DLGAP1: variants seen among roughly 807,000 people sequenced by gnomAD.
The protein encoded by DLGAP1 is DLG associated protein 1, also known as disks large-associated protein 1.
In DLGAP1, 11 loss-of-function variants were observed where a neutral mutation model predicts 90.8. The ratio of observed to expected loss-of-function variants is 0.12; its 90% CI spans 0.08 to 0.20. The LOEUF (loss-of-function observed/expected upper bound fraction) is 0.20, where lower values mean the gene tolerates loss of function less well. DLGAP1 is among the 10% of genes least tolerant of loss of function. The pLI is 1.00. For synonymous variants in DLGAP1, 558 were observed against 540.7 expected (o/e 1.03, Z -0.44); for missense variants, 1,050 against 1,333.8 (o/e 0.79, Z 3.31).
At chr18:4,027,503 C>CAAAAAAAAAAA (rs59592467) in intron 2 of DLGAP1, among the ~76,000 whole-genome samples, 14 of 55,614 alleles carry the variant, frequency 2.5e-4, no homozygotes, top group Non-Finnish European at 4.0e-4. Flanking sequence ...GACTCCGTCT[C>CAAAAAAAAAAA]AAAAAAAAAA....
intron 1 of DLGAP1, among the ~76,000 whole-genome samples, chr18:4,394,468 T>A (rs1216727632): frequency 6.6e-6 from 1 of 152,126 alleles, no homozygotes; most frequent in African/African-American, 2.4e-5. Context: ...ATTTAAACAA[T>A]AACATAAAAA....
intron 1 of DLGAP1, among the ~76,000 whole-genome samples, chr18:4,187,094 G>A (rs751297469): frequency 4.6e-5 from 7 of 152,074 alleles, no homozygotes; most frequent in African/African-American, 9.7e-5. Flanking sequence ...ATTTTTGTAC[G>A]TTGATTTTGC....
At chr18:3,866,324 T>G (rs192420676) in intron 4 of DLGAP1, among the ~76,000 whole-genome samples, 4 of 152,338 alleles carry the variant, frequency 2.6e-5, no homozygotes, top group Admixed American at 2.0e-4. Flanking sequence ...GTTTTCCGAT[T>G]GATCTCATTT....
chr18:3,645,821 T>C (rs1040853050), intron 7 of DLGAP1, among the ~76,000 whole-genome samples: 1 of 152,206 alleles, frequency 6.6e-6, no homozygotes, highest in African/African-American at 2.4e-5. Flanking sequence ...GGATAGGGCA[T>C]GAAATAGTAG....
intron 1 of DLGAP1, among the ~76,000 whole-genome samples, chr18:4,364,573 T>G (rs968764632): frequency 6.6e-6 from 1 of 152,100 alleles, no homozygotes; most frequent in Non-Finnish European, 1.5e-5. Context: ...CTGCCATATA[T>G]TATTTAAAAT....
intron 1 of DLGAP1, among the ~76,000 whole-genome samples, chr18:4,267,205 TCTAC>T (rs3041115): frequency 0.13 from 19,634 of 151,990 alleles, 2,789 homozygotes; most frequent in African/African-American, 0.36. Flanking sequence ...TGTGTATCTA[TCTAC>T]CTATCTAATG....
chr18:4,370,900 C>T (rs1377724366), intron 1 of DLGAP1, among the ~76,000 whole-genome samples: 4 of 152,100 alleles, frequency 2.6e-5, no homozygotes, highest in African/African-American at 7.2e-5. Flanking sequence ...TATCATTCCA[C>T]AATAGTGGGC....
intron 3 of DLGAP1, among the ~76,000 whole-genome samples, chr18:3,951,111 T>A (rs1372910419): frequency 6.6e-6 from 1 of 152,222 alleles, no homozygotes; most frequent in Non-Finnish European, 1.5e-5. Context: ...AGAAAACTCA[T>A]TTAGTTCCTA....
chr18:3,880,491 T>G (rs1464443371), intron 3 of DLGAP1, among the ~76,000 whole-genome samples: 4 of 152,144 alleles, frequency 2.6e-5, no homozygotes, highest in Non-Finnish European at 5.9e-5. Context: ...ATTGATCTCT[T>G]GAGGGTGCCA....
At chr18:3,720,331 A>G (rs532003717) in intron 7 of DLGAP1, among the ~76,000 whole-genome samples, 16 of 152,356 alleles carry the variant, frequency 1.1e-4, no homozygotes, top group African/African-American at 3.8e-4. Context: ...TCAGTAGGAC[A>G]CCAGCAGATG....
intron 7 of DLGAP1, among the ~76,000 whole-genome samples, chr18:3,647,639 T>C (rs781597427): frequency 2.0e-5 from 3 of 151,904 alleles, no homozygotes; most frequent in Non-Finnish European, 4.4e-5. Context: ...CTAATTTTTG[T>C]ATTTTTAGTA....
At chr18:4,376,011 T>C (rs1415603392) in intron 1 of DLGAP1, among the ~76,000 whole-genome samples, 1 of 152,308 alleles carries the variant, frequency 6.6e-6, no homozygotes, top group East Asian at 1.9e-4. Flanking sequence ...CTATTTGATA[T>C]ATCAATATAA....
chr18:4,044,777 A>G (rs2075024625), intron 2 of DLGAP1, among the ~76,000 whole-genome samples: 1 of 152,096 alleles, frequency 6.6e-6, no homozygotes, highest in Non-Finnish European at 1.5e-5. Context: ...CAAAACAAAC[A>G]AACAAACAAA....
intron 2 of DLGAP1, among the ~76,000 whole-genome samples, chr18:4,042,804 A>C (rs2074995740): frequency 6.6e-6 from 1 of 152,224 alleles, no homozygotes; most frequent in Non-Finnish European, 1.5e-5. Context: ...GCAACGATGT[A>C]TATCACTTCT....
chr18:3,887,047 C>T (rs1298712937), intron 3 of DLGAP1, among the ~76,000 whole-genome samples: 2 of 152,112 alleles, frequency 1.3e-5, no homozygotes, highest in Non-Finnish European at 2.9e-5. Flanking sequence ...TTTGTTTAGT[C>T]GAGAGAAAAA....
chr18:4,265,655 CCCTCCCTCCCTTCCTTCCTT>C (rs1169520325), intron 1 of DLGAP1, among the ~76,000 whole-genome samples: 21 of 55,564 alleles, frequency 3.8e-4, no homozygotes, highest in African/African-American at 3.6e-3. Context: ...CTCCCTCCCT[CCCTCCCTCCCTTCCTTCCTT>C]CCTTCCTTCC....
At chr18:3,828,448 TGG>T (rs1795898215) in intron 4 of DLGAP1, among the ~76,000 whole-genome samples, 1 of 152,096 alleles carries the variant, frequency 6.6e-6, no homozygotes, top group Admixed American at 6.5e-5. Context: ...GAGATCAGCC[TGG>T]GCAACAGAGC....
intron 10 of DLGAP1, among the ~76,000 whole-genome samples, chr18:3,510,775 G>C (rs541198855): frequency 1.3e-5 from 2 of 152,290 alleles, no homozygotes; most frequent in Non-Finnish European, 2.9e-5. Flanking sequence ...TTGAGCTGAT[G>C]GTTCTCAATT....
chr18:4,070,615 CTTTAT>C (rs1160012009), intron 2 of DLGAP1, among the ~76,000 whole-genome samples: 1 of 151,896 alleles, frequency 6.6e-6, no homozygotes, highest in African/African-American at 2.4e-5. Context: ...AAGCAACTCT[CTTTAT>C]TTTATTAATT....
Sources: gnomAD v4.1 joint callset for allele counts (sites outside exome capture counted in the v4.1 genomes callset) on GRCh38, gnomAD v4.1.1 for gene constraint, MANE v1.5 for transcripts, NCBI Gene and HGNC (gene_info 2026-07-23, HGNC 2026-07-21) for gene names.